The following UFSP2 variants were observed in gnomAD, a reference collection of about 807,000 sequenced individuals.
The protein encoded by UFSP2 is ufm1-specific protease 2.
Under a neutral mutation model 60.2 loss-of-function variants are expected in UFSP2, and 43 were observed. That is an observed-to-expected ratio of 0.71 (90% confidence interval 0.56 to 0.92). The LOEUF is 0.92. Among genes scored for constraint, UFSP2 ranks in the 40% least tolerant of loss-of-function variants. The probability of loss-of-function intolerance (pLI) is 0.00; values close to 1 mark genes in which losing one functional copy is unlikely to be tolerated. For synonymous variants in UFSP2, 183 were observed against 195.1 expected (o/e 0.94, Z 0.52); for missense variants, 520 against 575.0 (o/e 0.90, Z 0.98).
intron 7 of UFSP2, among the ~76,000 whole-genome samples, chr4:185,411,091 A>G (rs1468534545): frequency 2.6e-5 from 4 of 151,736 alleles, no homozygotes; most frequent in South Asian, 4.1e-4. Flanking sequence ...TACAGAAGTT[A>G]TAATAGAGGG....
At chr4:185,410,020 G>C (rs2095526486) in intron 7 of UFSP2, among the ~76,000 whole-genome samples, 1 of 152,062 alleles carries the variant, frequency 6.6e-6, no homozygotes, top group African/African-American at 2.4e-5. Flanking sequence ...ATACATTTTT[G>C]TAGTTTTAAG....
chr4:185,410,058 G>A (rs748585414), intron 7 of UFSP2, among the ~76,000 whole-genome samples: 32 of 151,856 alleles, frequency 2.1e-4, no homozygotes, highest in South Asian at 2.1e-3. Flanking sequence ...ATTTTTTAGG[G>A]AACAAATACA....
In UFSP2 at chr4:185,400,144, A is replaced by G. The variant is rs1224619559; in HGVS notation, c.*248T>C. On this transcript the variant is annotated 3_prime_UTR_variant, in exon 12 of 12. Coordinates refer to ENST00000264689, the MANE Select transcript of UFSP2 (RefSeq NM_018359.5). ...TGAGAAGGACGAAAAACTTTCTTCC[A>G]AGTGAAGATCCATTTAAGAACACAT... 5.5e-6 allele frequency: 5 copies of G among 902,692 alleles called. No homozygotes were observed. In the African/African-American group the frequency reaches 6.8e-5, roughly 12 times the overall value. The allele number at this position is 902,692 out of a possible 1,614,324, so 55.9% of individuals were successfully genotyped here. A position where few individuals can be genotyped will look rare whatever the true frequency, so the allele number is the denominator to read the frequency against.
At chr4:185,403,170 T>C (rs1417656964) in intron 11 of UFSP2, among the ~76,000 whole-genome samples, 1 of 152,250 alleles carries the variant, frequency 6.6e-6, no homozygotes, top group Admixed American at 6.5e-5. Flanking sequence ...ATTCTGCTCA[T>C]CTATTTTAAG....
intron 5 of UFSP2, 130 bp downstream of exon 5, chr4:185,415,580 A>ATT: frequency 2.3e-6 from 2 of 887,964 alleles, no homozygotes; most frequent in Non-Finnish European, 3.3e-6. Context: ...CATTTAATTA[A>ATT]TAGATGGCTC....
In UFSP2 at chr4:185,418,680, C is replaced by T. The variant is rs755443922; in HGVS notation, c.173G>A (p.Ser58Asn). ...ACTGCTAGGCCATATATACACTGAACTGTGGCAAATTCTGAACACAAGGGC... is the reference window on the plus strand; with the variant it reads ...ACTGCTAGGCCATATATACACTGAATTGTGGCAAATTCTGAACACAAGGGC... Reference protein sequence around the residue: ...SNALVFRICHSSVYIWPSSDI... With the variant: ...SNALVFRICHNSVYIWPSSDI... Residue 58 changes from serine (S) to asparagine (N), a missense_variant, in exon 3 of 12, where the codon AGT (serine) becomes AAT (asparagine). Coordinates refer to ENST00000264689, the MANE Select transcript of UFSP2 (RefSeq NM_018359.5). The T allele has an allele frequency of 6.2e-7, 1 of 1,613,988 alleles. No homozygotes were observed. The highest frequency in any genetic ancestry group is 8.5e-7 in the Non-Finnish European group (1 of 1,179,984).
At chr4:185,417,540 G>A (rs1561118620) in intron 4 of UFSP2, among the ~76,000 whole-genome samples, 1 of 152,094 alleles carries the variant, frequency 6.6e-6, no homozygotes, top group African/African-American at 2.4e-5. Flanking sequence ...TATTTCCATA[G>A]CTAGTGGTTT....
chr4:185,413,263 C>T (rs2095532696), intron 7 of UFSP2, among the ~76,000 whole-genome samples: 1 of 152,172 alleles, frequency 6.6e-6, no homozygotes, highest in Non-Finnish European at 1.5e-5. Context: ...TGGCAGGTGC[C>T]TGTAACCCCA....
chr4:185,402,415 A>G, intron 11 of UFSP2: 1 of 414,710 alleles, frequency 2.4e-6, no homozygotes, highest in Non-Finnish European at 4.7e-6. Flanking sequence ...TAGTGTTTAT[A>G]CCCTTATCAT....
chr4:185,425,781 C>T (rs561734385), intron 1 of UFSP2, 85 bp downstream of exon 1: 33 of 1,556,316 alleles, frequency 2.1e-5, no homozygotes, highest in East Asian at 4.8e-5. Flanking sequence ...GGACCAGCTC[C>T]TTTCAGGCGC....
chr4:185,409,817 A>G (rs2095526129), intron 7 of UFSP2, among the ~76,000 whole-genome samples: 1 of 152,168 alleles, frequency 6.6e-6, no homozygotes, highest in Non-Finnish European at 1.5e-5. Context: ...CTTAAAAGAG[A>G]GGGGCATAGG....
chr4:185,404,285 T>C (rs1389052801), intron 10 of UFSP2, among the ~76,000 whole-genome samples: 4 of 142,788 alleles, frequency 2.8e-5, no homozygotes, highest in African/African-American at 1.0e-4. Flanking sequence ...TAGCACTCCA[T>C]TCATTAAGTT....
At position 185,413,784 on chromosome 4, in the gene UFSP2, T is replaced by C. The variant is rs1203642225; in HGVS notation, c.773A>G (p.Asp258Gly). The change falls in exon 7 of 12, where the codon GAT becomes GGT. Residue 258 changes from aspartate (D) to glycine (G), a missense_variant. Physicochemically the swap from Asp to Gly is moderately conservative, Grantham distance 94 (BLOSUM62 -1). Transcript: ENST00000264689. ...AGTATGTGGATTTCTAATGTAACCA[T>C]CTTTGTATGGCTCATCTGGAAAGTG... Reference protein sequence around the residue: ...AYHFPDEPYKDGYIRNPHTYL... With the variant: ...AYHFPDEPYKGGYIRNPHTYL... The C allele has an allele frequency of 6.2e-7, 1 of 1,613,620 alleles. No homozygotes were observed. The highest frequency in any genetic ancestry group is 1.1e-5 in the South Asian group (1 of 91,038).
chr4:185,407,982 C>T lies in UFSP2; in HGVS notation c.1075G>A (p.Val359Ile), dbSNP rs1439693720. 2.5e-6 allele frequency: 4 copies of T among 1,614,122 alleles called. No homozygotes were observed. The highest frequency in any genetic ancestry group is 1.6e-4 in the Middle Eastern group (1 of 6,062). ...GTTATACCGATCAATTGGTTTAGTACCAGCTGCACCTCAATAGATCCAATC... is the reference window on the plus strand; with the variant it reads ...GTTATACCGATCAATTGGTTTAGTATCAGCTGCACCTCAATAGATCCAATC... ...QWIGSIEVQL[V>I]LNQLIGITSK... Residue 359 changes from valine (V) to isoleucine (I), a missense_variant, in exon 9 of 12, where the codon GTA becomes ATA. By Grantham distance (29) the Val-to-Ile change is conservative. Transcript: ENST00000264689.
rs759245956 is a variant in UFSP2, at chr4:185,400,038, A to C, written c.*354T>G. On this transcript the variant is annotated 3_prime_UTR_variant, in exon 12 of 12. Coordinates refer to ENST00000264689, the MANE Select transcript of UFSP2 (RefSeq NM_018359.5). The stretch of plus-strand genomic sequence containing the variant: ...ACAGATGTCACGTGGGTTATGAAGA[A>C]GTCTGAAGAACGCCTTCATTTCATG... 1.3e-6 allele frequency: 2 copies of C among 1,587,276 alleles called. No individual in the cohort carries two copies. Among genetic ancestry groups the C allele is most frequent in the East Asian group, 4.5e-5 (2 of 44,694 alleles).
intron 4 of UFSP2, chr4:185,416,102 A>C (rs2095538238): frequency 1.2e-5 from 4 of 341,242 alleles, no homozygotes; most frequent in African/African-American, 6.3e-5. Context: ...AAGGACTTTT[A>C]AAGGACAGAA....
Position 185,399,702 on chromosome 4 carries a change from T to C in UFSP2, c.*690A>G, listed in dbSNP as rs765515137. On this transcript the variant is annotated 3_prime_UTR_variant, in exon 12 of 12. Transcript: ENST00000264689. ...CAAGTGAACACCCTGACAGGAATGATTGTGTTGCCGTGCTCAGACAGAAAC... is the reference window on the plus strand; with the variant it reads ...CAAGTGAACACCCTGACAGGAATGACTGTGTTGCCGTGCTCAGACAGAAAC... The C allele has an allele frequency of 2.5e-6, 4 of 1,614,096 alleles. No homozygotes were observed. Among genetic ancestry groups the C allele is most frequent in the South Asian group, 1.1e-5 (1 of 91,080 alleles).
Position 185,423,544 on chromosome 4 carries a change from C to G in UFSP2, c.4-981G>C, listed in dbSNP as rs369441405. The stretch of plus-strand genomic sequence containing the variant: ...TTCGGGTACATGGATATTAACCTAA[C>G]TGCCAACAATAGATTGGTTAAAAAA... On this transcript the variant is annotated intron_variant, in intron 1 of 11. Transcript: ENST00000264689. Among the ~76,000 whole-genome samples the G allele has an allele frequency of 7.4e-5, 10 of 134,904 alleles. No individual in the cohort carries two copies. In the South Asian group the frequency reaches 1.2e-3, roughly 17 times the overall value. 88.5% of individuals were successfully genotyped at this position (134,904 alleles called of 152,430 possible). A position where few individuals can be genotyped will look rare whatever the true frequency, so the allele number is the denominator to read the frequency against.
chr4:185,403,514 G>A lies in UFSP2; in HGVS notation c.1303C>T (p.Leu435=). 6.2e-7 allele frequency: 1 copy of A among 1,613,206 alleles called. No individual in the cohort carries two copies. Among genetic ancestry groups the A allele is most frequent in the Non-Finnish European group, 8.5e-7 (1 of 1,179,794 alleles). The change falls in exon 11 of 12, where the codon CTG becomes TTG. Residue 435 remains leucine (L), a synonymous_variant. Transcript: ENST00000264689. Reference sequence around the variant, plus strand: ...CTTACCTTTTCCAAAATAACTTGCAGGTCTTCAGCACCGGTATAATGTGGA... The same window carrying A: ...CTTACCTTTTCCAAAATAACTTGCAAGTCTTCAGCACCGGTATAATGTGGA... ...LDPHYTGAED[L]QVILEKGWCG...
Sources: allele counts gnomAD v4.1 joint callset (sites outside exome capture counted in the v4.1 genomes callset), GRCh38; gene constraint gnomAD v4.1.1; transcripts MANE v1.5; gene names NCBI Gene and HGNC (gene_info 2026-07-23, HGNC 2026-07-21).